LRRK2: variants seen among roughly 807,000 people sequenced by gnomAD.
LRRK2 encodes the protein leucine rich repeat kinase 2.
LRRK2 carries 203 observed loss-of-function variants against 302.6 expected under a neutral mutation model. The ratio of observed to expected loss-of-function variants is 0.67; its 90% CI spans 0.60 to 0.75. The LOEUF (loss-of-function observed/expected upper bound fraction) is 0.75, where lower values mean the gene tolerates loss of function less well. Ranked by LOEUF, LRRK2 falls within the 30% of genes least tolerant of loss-of-function variation. The pLI, the probability that LRRK2 is intolerant of heterozygous loss-of-function variation, is 0.00. For synonymous variants in LRRK2, 1,066 were observed against 1,031.9 expected (o/e 1.03, Z -0.63); for missense variants, 2,830 against 2,951.0 (o/e 0.96, Z 0.95).
At chr12:40,276,041 A>G (rs1475544143) in intron 16 of LRRK2, among the ~76,000 whole-genome samples, 5 of 152,212 alleles carry the variant, frequency 3.3e-5, no homozygotes, top group Non-Finnish European at 5.9e-5. Flanking sequence ...TTATAAAGTT[A>G]TGAACATACA....
At position 40,335,141 on chromosome 12, in the gene LRRK2, G is replaced by A. The variant is rs762384743; in HGVS notation, c.5932G>A (p.Val1978Ile). 5 of 1,614,050 alleles carry A rather than the reference G, an allele frequency of 3.1e-6. No individual in the cohort carries two copies. The East Asian group carries it at 6.7e-5, about 22-fold the overall frequency. ...RTLQHRIALH[V>I]ADGLRYLHSA... Reference sequence around the variant, plus strand: ...CCTACAGCACAGGATTGCACTCCACGTAGCTGATGGTTTGAGGTAAGTAGG... The same window carrying A: ...CCTACAGCACAGGATTGCACTCCACATAGCTGATGGTTTGAGGTAAGTAGG... The change falls in exon 40 of 51, where the codon GTA becomes ATA. Residue 1978 changes from valine to isoleucine, a missense_variant. Physicochemically the swap from Val to Ile is conservative, Grantham distance 29. This residue lies in a region of LRRK2 where 253 missense variants were observed against 346.7 expected (regional missense o/e 0.73). Transcript: ENST00000298910.
chr12:40,365,140 C>A, intron 49 of LRRK2, 90 bp downstream of exon 49: 2 of 1,220,112 alleles, frequency 1.6e-6, no homozygotes, highest in East Asian at 2.4e-5. Flanking sequence ...CTGAACTTTC[C>A]AGTGTCATAT....
chr12:40,322,490 T>A lies in LRRK2; in HGVS notation c.5489T>A (p.Leu1830Ter). Residue 1830 changes from leucine to a stop codon, truncating the protein, a stop_gained, in exon 37 of 51, where the codon TTG (leucine) becomes TAG (stop). Transcript: ENST00000298910. LOFTEE classifies it high-confidence loss of function. Reference protein sequence around the residue: ...EEHQKILLDDLMKKAEEGDLL... With the variant: ...EEHQKILLDD ...CATCAAAAAATCTTACTTGATGACT[T>A]GATGAAGAAAGCAGAGGAAGGTATG... The A allele has an allele frequency of 6.2e-7, 1 of 1,613,210 alleles. No individual in the cohort carries two copies. Among genetic ancestry groups the A allele is most frequent in the Non-Finnish European group, 8.5e-7 (1 of 1,179,322 alleles).
chr12:40,234,145 C>T (rs1941326219), intron 3 of LRRK2, among the ~76,000 whole-genome samples: 1 of 152,050 alleles, frequency 6.6e-6, no homozygotes, highest in Non-Finnish European at 1.5e-5. Flanking sequence ...GGCAGAGAAT[C>T]GAAGACTGGC....
chr12:40,255,627 T>C (rs923004345), intron 11 of LRRK2, among the ~76,000 whole-genome samples: 3 of 152,198 alleles, frequency 2.0e-5, no homozygotes, highest in Non-Finnish European at 2.9e-5. Flanking sequence ...AAGGACCCCA[T>C]ACAGACCTTC....
rs1254773108 is a variant in LRRK2 at position 40,314,020 on chromosome 12, G to A, written c.4585G>A (p.Glu1529Lys). ...ACAGCTGATTCCAGACTGCTATGTA[G>A]AACTTGAAAAAATCATTTTATCGGA... ...VGQLIPDCYV[E>K]LEKIILSERK... The change falls in exon 32 of 51, where the codon GAA (glutamate) becomes AAA (lysine). Residue 1529 changes from glutamate (E) to lysine (K), a missense_variant. Glu to Lys is a moderately conservative substitution (Grantham distance 56). Coordinates refer to ENST00000298910, the MANE Select transcript of LRRK2 (RefSeq NM_198578.4). 2 of 1,612,096 alleles carry A rather than the reference G, an allele frequency of 1.2e-6. No individual in the cohort carries two copies. The highest frequency in any genetic ancestry group is 2.7e-5 in the African/African-American group (2 of 74,786).
rs968004742 is a variant in LRRK2 at position 40,356,467 on chromosome 12, A to G, written c.6843+280A>G. Among the ~76,000 whole-genome samples, 15 of 149,210 alleles carry G rather than the reference A, an allele frequency of 1.0e-4. No homozygotes were observed. In the Admixed American group the frequency reaches 1.0e-3, roughly 10 times the overall value. On this transcript the variant is annotated intron_variant, in intron 46 of 50. Transcript: ENST00000298910. The stretch of plus-strand genomic sequence containing the variant: ...AATTCAATTTGTACATAACTGAGGC[A>G]GATAATTCCTTATAAATATATTGTG...
intron 24 of LRRK2, 99 bp from the exon 25 acceptor site, chr12:40,299,010 C>A: frequency 8.2e-7 from 1 of 1,226,266 alleles, no homozygotes; most frequent in Non-Finnish European, 1.1e-6. Flanking sequence ...AATGAGTCCT[C>A]TTTGATGCTG....
intron 26 of LRRK2, 74 bp from the exon 27 acceptor site, chr12:40,303,874 A>T: frequency 7.0e-7 from 1 of 1,435,288 alleles, no homozygotes. Flanking sequence ...CCCTGGGGAA[A>T]ATTATTTGTG....
At chr12:40,285,475 A>G (rs565772269) in intron 19 of LRRK2, among the ~76,000 whole-genome samples, 5 of 152,054 alleles carry the variant, frequency 3.3e-5, no homozygotes, top group African/African-American at 4.8e-5. Flanking sequence ...CATGCTTCAT[A>G]TATTGATATG....
At chr12:40,365,373 TAAAG>T (rs2137052205) in intron 49 of LRRK2, 1 of 237,670 alleles carries the variant, frequency 4.2e-6, no homozygotes, top group East Asian at 1.0e-4. Flanking sequence ...GCAAAGAAAA[TAAAG>T]AAAATGTTTG....
At chr12:40,269,688 A>C (rs1435452851) in intron 14 of LRRK2, among the ~76,000 whole-genome samples, 1 of 152,164 alleles carries the variant, frequency 6.6e-6, no homozygotes, top group African/African-American at 2.4e-5. Flanking sequence ...ATCCTGCATA[A>C]ATATTAAAAA....
chr12:40,259,353 T>C lies in LRRK2; in HGVS notation c.1419-127T>C, dbSNP rs1942668251. On this transcript the variant is annotated intron_variant, in intron 12 of 50. Transcript: ENST00000298910. The stretch of plus-strand genomic sequence containing the variant: ...GTATGCTCATACTACTGATTTCAAA[T>C]GCATTTTCATATAGTCTTTCCTGAT... 3.4e-6 allele frequency: 4 copies of C among 1,162,006 alleles called. No individual in the cohort carries two copies. In the Admixed American group the frequency reaches 5.3e-5, roughly 15 times the overall value. 72.0% of individuals were successfully genotyped at this position (1,162,006 alleles called of 1,614,324 possible). A position where few individuals can be genotyped will look rare whatever the true frequency, so the allele number is the denominator to read the frequency against.
intron 9 of LRRK2, 45 bp downstream of exon 9, chr12:40,251,419 C>A: frequency 6.2e-7 from 1 of 1,612,752 alleles, no homozygotes; most frequent in Non-Finnish European, 8.5e-7. Flanking sequence ...TTATGTTTTC[C>A]AGTCATTTAT....
rs199860569 is a variant in LRRK2, at chr12:40,298,437, T to A, written c.3291T>A (p.Phe1097Leu). 6.2e-7 allele frequency: 1 copy of A among 1,613,982 alleles called. No individual in the cohort carries two copies. Among genetic ancestry groups the A allele is most frequent in the Non-Finnish European group, 8.5e-7 (1 of 1,179,972 alleles). ...QFNLSYNQLS[F>L]VPENLTDVVE... ...ACCTGTCATATAACCAGCTGTCTTT[T>A]GTACCTGAGAACCTCACTGATGTGG... Residue 1097 changes from phenylalanine (F) to leucine (L), a missense_variant, in exon 24 of 51, where the codon TTT (phenylalanine) becomes TTA (leucine). By Grantham distance (22) the Phe-to-Leu change is conservative. This residue lies in a region of LRRK2 where 2,121 missense variants were observed against 2,148.0 expected (regional missense o/e 0.99). Coordinates refer to ENST00000298910, the MANE Select transcript of LRRK2 (RefSeq NM_198578.4).
chr12:40,304,666 G>C (rs1431648626), intron 27 of LRRK2: 1 of 153,268 alleles, frequency 6.5e-6, no homozygotes, highest in Non-Finnish European at 1.5e-5. Flanking sequence ...ATTCTTTATA[G>C]TACTAGCTCA....
intron 6 of LRRK2, among the ~76,000 whole-genome samples, chr12:40,242,403 A>G (rs1350151134): frequency 6.6e-6 from 1 of 151,542 alleles, no homozygotes; most frequent in East Asian, 1.9e-4. Context: ...GTAGGTTCAC[A>G]CCTCACTTCC....
At chr12:40,277,196 C>A (rs10506151) in intron 16 of LRRK2, among the ~76,000 whole-genome samples, 18,447 of 152,058 alleles carry the variant, frequency 0.12, 1,371 homozygotes, top group East Asian at 0.2. Context: ...TGGCTTTACC[C>A]AACCTAAATA....
chr12:40,307,362 T>C (rs908669722), intron 28 of LRRK2, among the ~76,000 whole-genome samples: 3 of 152,070 alleles, frequency 2.0e-5, no homozygotes, highest in African/African-American at 7.2e-5. Flanking sequence ...TTTTAACATA[T>C]TTCAAAATAT....
Sources: gnomAD v4.1 joint callset for allele counts (sites outside exome capture counted in the v4.1 genomes callset) on GRCh38, gnomAD v4.1.1 for gene constraint, gnomAD v4.1.1 regional missense constraint, MANE v1.5 for transcripts, NCBI Gene and HGNC (gene_info 2026-07-23, HGNC 2026-07-21) for gene names.